ERBB3: variants seen among roughly 807,000 people sequenced by gnomAD.
ERBB3 encodes receptor tyrosine-protein kinase erbB-3.
A neutral mutation model predicts 156.7 loss-of-function variants in ERBB3; 96 were observed. The observed-to-expected ratio is 0.61, with a 90% confidence interval of 0.52 to 0.73. ERBB3 has a LOEUF of 0.73. Among genes scored for constraint, ERBB3 ranks in the 30% least tolerant of loss-of-function variants. The pLI is 0.00. For missense variants in ERBB3, 1,406 were observed against 1,709.4 expected (o/e 0.82, Z 3.13); for synonymous variants, 567 against 632.0 (o/e 0.90, Z 1.54).
chr12:56,100,217 A>G lies in ERBB3; in HGVS notation c.3173A>G (p.Asn1058Ser). ...CCATCATCTGGATACATGCCCATGAACCAGGGTAATCTTGGGGAGTCTTGC... is the reference window on the plus strand; with the variant it reads ...CCATCATCTGGATACATGCCCATGAGCCAGGGTAATCTTGGGGAGTCTTGC... ...LSPSSGYMPM[N>S]QGNLGESCQE... Residue 1058 changes from asparagine to serine, a missense_variant, in exon 26 of 28, where the codon AAC becomes AGC. Asn to Ser is a conservative substitution (Grantham distance 46). Transcript: ENST00000267101. 1.2e-6 allele frequency: 2 copies of G among 1,614,100 alleles called. No homozygotes were observed. Among genetic ancestry groups the G allele is most frequent in the Non-Finnish European group, 1.7e-6 (2 of 1,179,952 alleles).
chr12:56,084,875 A>G, intron 2 of ERBB3, 120 bp from the exon 3 acceptor site: 1 of 1,498,790 alleles, frequency 6.7e-7, no homozygotes. Context: ...AAAAAAAGAA[A>G]GGAAAGAAAG....
At chr12:56,100,755 C>T (rs1309383535) in intron 26 of ERBB3, among the ~76,000 whole-genome samples, 1 of 151,578 alleles carries the variant, frequency 6.6e-6, no homozygotes, top group African/African-American at 2.4e-5. Context: ...GCCTGACCAA[C>T]ATGGCAAAAC....
chr12:56,091,370 C>T, intron 9 of ERBB3, among the ~76,000 whole-genome samples: 2 of 6,260 alleles, frequency 3.2e-4, no homozygotes, highest in African/African-American at 7.0e-4. Flanking sequence ...ATATTATATA[C>T]TATTTATATA....
In ERBB3 at chr12:56,096,768, T is replaced by C; in HGVS notation, c.2196T>C (p.Gly732=). Residue 732 remains glycine, a synonymous_variant, in exon 19 of 28, where the codon GGT becomes GGC. Transcript: ENST00000267101. ...CCCAGGGAGTGTGGATCCCTGAGGG[T>C]GAATCAATCAAGATTCCAGTCTGCA... The part of the protein sequence containing the change: ...TVHKGVWIPE[G]ESIKIPVCIK... The C allele has an allele frequency of 6.2e-7, 1 of 1,613,808 alleles. No individual in the cohort carries two copies. Among genetic ancestry groups the C allele is most frequent in the Non-Finnish European group, 8.5e-7 (1 of 1,179,854 alleles).
At chr12:56,094,072 C>T in intron 13 of ERBB3, 27 bp from the exon 14 acceptor site, 1 of 1,595,216 alleles carries the variant, frequency 6.3e-7, no homozygotes, top group Non-Finnish European at 8.6e-7. Context: ...GGAAGTGACC[C>T]CCCCCTCCCT....
chr12:56,088,661 G>C lies in ERBB3; in HGVS notation c.988+5G>C, dbSNP rs2136797695. 1 of 1,613,968 alleles carries C rather than the reference G, an allele frequency of 6.2e-7. No individual in the cohort carries two copies. Among genetic ancestry groups the C allele is most frequent in the Non-Finnish European group, 8.5e-7 (1 of 1,179,836 alleles). On this transcript the variant is annotated splice_donor_5th_base_variant and intron_variant, in intron 8 of 27. Transcript: ENST00000267101. ...GTGGGGGACTATGTCCCAAAGGTGG[G>C]TAGGAGATGGTAAGAAGTTGTAAAG...
At chr12:56,092,015 AGTGAGCTAT>A (rs1166562245) in intron 9 of ERBB3, among the ~76,000 whole-genome samples, 2 of 150,180 alleles carry the variant, frequency 1.3e-5, no homozygotes, top group Non-Finnish European at 3.0e-5. Flanking sequence ...TCAAGGTTAC[AGTGAGCTAT>A]GATGGCACTA....
In ERBB3 at chr12:56,103,121, TTTC is replaced by T. The variant is rs1372607401; in HGVS notation, c.*1069_*1071del. The T allele has an allele frequency of 2.2e-5, 5 of 230,932 alleles. No homozygotes were observed. In the East Asian group the frequency reaches 2.5e-4, roughly 11 times the overall value. 14.3% of individuals were successfully genotyped at this position (230,932 alleles called of 1,614,324 possible). On this transcript the variant is annotated 3_prime_UTR_variant, in exon 28 of 28. Coordinates refer to ENST00000267101, the MANE Select transcript of ERBB3 (RefSeq NM_001982.4). Reference sequence around the variant, plus strand: ...TACAGCCCTTGTTTAAGGGGCACTGTTTCTTGTTTTTGCACTGAATCAAGTCTA... The same window carrying T: ...TACAGCCCTTGTTTAAGGGGCACTGTTTGTTTTTGCACTGAATCAAGTCTA...
intron 9 of ERBB3, among the ~76,000 whole-genome samples, chr12:56,092,065 C>T (rs1423215813): frequency 1.5e-5 from 2 of 132,178 alleles, no homozygotes; most frequent in African/African-American, 5.7e-5. Flanking sequence ...TCACTCTGCA[C>T]AACAGAGTGA....
chr12:56,096,844 G>T lies in ERBB3; in HGVS notation c.2272G>T (p.Asp758Tyr), dbSNP rs3891921. The stretch of plus-strand genomic sequence containing the variant: ...ACGGCAGAGTTTTCAAGCTGTGACA[G>T]ATGTAAGTGAAGGAAATTCTGTATG... ...SGRQSFQAVTDHMLAIGSLDH... is the reference protein window; with the variant it reads ...SGRQSFQAVTYHMLAIGSLDH... Residue 758 changes from aspartate to tyrosine, a missense_variant and splice_region_variant, in exon 19 of 28, where the codon GAT (aspartate) becomes TAT (tyrosine). Asp to Tyr is a radical substitution (Grantham distance 160). Around this residue, in one of 3 missense-constraint regions of ERBB3, gnomAD observed 979 missense variants for 1,219.6 expected, o/e 0.80. Transcript: ENST00000267101. 1 of 1,609,160 alleles carries T rather than the reference G, an allele frequency of 6.2e-7. No individual in the cohort carries two copies. The highest frequency in any genetic ancestry group is 1.1e-5 in the South Asian group (1 of 90,978).
rs1044978284 is a variant in ERBB3 at position 56,085,173 on chromosome 12, A to G, written c.413A>G (p.Gln138Arg). ...SHALRQLRLT[Q>R]LTEILSGGVY... is the part of the protein sequence containing the mutation. ...GCTCTGCGCCAGCTCCGCTTGACTC[A>G]GCTCACCGGTCAGTTCCCGATGGTT... Residue 138 changes from glutamine (Q) to arginine (R), a missense_variant, in exon 3 of 28, where the codon CAG (glutamine) becomes CGG (arginine). By Grantham distance (43) the Gln-to-Arg change is conservative (BLOSUM62 1). This residue lies in a region of ERBB3 where 979 missense variants were observed against 1,219.6 expected (regional missense o/e 0.80). Coordinates refer to ENST00000267101, the MANE Select transcript of ERBB3 (RefSeq NM_001982.4). The G allele has an allele frequency of 6.2e-6, 10 of 1,614,038 alleles. No individual in the cohort carries two copies. The Admixed American group carries it at 1.3e-4, about 22-fold the overall frequency.
chr12:56,095,177 C>T (rs1212278717), intron 15 of ERBB3, 80 bp from the exon 16 acceptor site: 1 of 1,131,782 alleles, frequency 8.8e-7, no homozygotes, highest in East Asian at 2.3e-5. Flanking sequence ...AGTTCTGAAA[C>T]AAGCTTTTAT....
At chr12:56,087,478 C>A in intron 4 of ERBB3, 99 bp from the exon 5 acceptor site, 1 of 1,054,158 alleles carries the variant, frequency 9.5e-7, no homozygotes, top group South Asian at 1.3e-5. Context: ...TTTTGCTTCC[C>A]GGGATTGAGG....
chr12:56,100,401 G>C (rs1462382127), intron 26 of ERBB3, 156 bp downstream of exon 26: 2 of 702,820 alleles, frequency 2.8e-6, no homozygotes, highest in African/African-American at 1.8e-5. Context: ...CAGCACTTTG[G>C]GAGGCCAGAG....
At chr12:56,086,062 CCA>C (rs1565856656) in intron 3 of ERBB3, among the ~76,000 whole-genome samples, 1 of 53,322 alleles carries the variant, frequency 1.9e-5, no homozygotes, top group East Asian at 8.0e-4. Flanking sequence ...GAGCGAGACT[CCA>C]AAAAAAAAAA....
chr12:56,094,707 T>C (rs2136813545), intron 15 of ERBB3, 151 bp downstream of exon 15: 3 of 930,270 alleles, frequency 3.2e-6, no homozygotes, highest in East Asian at 2.7e-5. Context: ...ATCCCAGCAC[T>C]GTGGGAGGCC....
chr12:56,099,942 C>T lies in ERBB3; in HGVS notation c.3042C>T (p.Asp1014=). Reference sequence around the variant, plus strand: ...AGCCAGAACTAGACCTAGACCTAGACTTGGAAGCAGAGGAGGACAACCTGG... The same window carrying T: ...AGCCAGAACTAGACCTAGACCTAGATTTGGAAGCAGAGGAGGACAACCTGG... ...ELEPELDLDL[D]LEAEEDNLAT... Residue 1014 remains aspartate, a synonymous_variant, in exon 25 of 28, where the codon GAC becomes GAT. Coordinates refer to ENST00000267101, the MANE Select transcript of ERBB3 (RefSeq NM_001982.4). 1 of 1,614,226 alleles carries T rather than the reference C, an allele frequency of 6.2e-7. No individual in the cohort carries two copies. Among genetic ancestry groups the T allele is most frequent in the Non-Finnish European group, 8.5e-7 (1 of 1,180,028 alleles).
Position 56,100,179 on chromosome 12 carries a change from G to C in ERBB3, c.3135G>C (p.Gln1045His), listed in dbSNP as rs969833337. The C allele has an allele frequency of 6.2e-7, 1 of 1,613,942 alleles. No homozygotes were observed. The highest frequency in any genetic ancestry group is 8.5e-7 in the Non-Finnish European group (1 of 1,179,808). ...TCCTTATTTTTTCATCCTAGAGCCA[G>C]AGCCTTTTAAGTCCATCATCTGGAT... ...VGTLNRPRGS[Q>H]SLLSPSSGYM... is the part of the protein sequence containing the mutation. The change falls in exon 26 of 28, where the codon CAG (glutamine) becomes CAC (histidine). Residue 1045 changes from glutamine (Q) to histidine (H), a missense_variant. This residue lies in a region of ERBB3 where 415 missense variants were observed against 454.1 expected (regional missense o/e 0.91). Transcript: ENST00000267101.
intron 16 of ERBB3, 61 bp downstream of exon 16, chr12:56,095,371 T>G: frequency 7.2e-7 from 1 of 1,386,504 alleles, no homozygotes; most frequent in Non-Finnish European, 1.0e-6. Flanking sequence ...GAGAGGTGGT[T>G]ACCTGGAGAG....
Sources: gnomAD v4.1 joint callset for allele counts (sites outside exome capture counted in the v4.1 genomes callset) on GRCh38, gnomAD v4.1.1 for gene constraint, gnomAD v4.1.1 regional missense constraint, MANE v1.5 for transcripts, NCBI Gene and HGNC (gene_info 2026-07-23, HGNC 2026-07-21) for gene names.